KIF15: variants seen among roughly 807,000 people sequenced by gnomAD.
KIF15 encodes kinesin-like protein KIF15.
A neutral mutation model predicts 190.6 loss-of-function variants in KIF15; 140 were observed. That is an observed-to-expected ratio of 0.73 (90% CI 0.64 to 0.84). KIF15 has a LOEUF of 0.84. Ranked by LOEUF, KIF15 falls within the 40% of genes least tolerant of loss-of-function variation. The probability of loss-of-function intolerance (pLI) is 0.00; values close to 1 mark genes in which losing one functional copy is unlikely to be tolerated. For synonymous variants in KIF15, 528 were observed against 551.3 expected, an observed-to-expected ratio of 0.96 and a Z score of 0.59; for missense variants, 1,372 against 1,584.4, an observed-to-expected ratio of 0.87 and a Z score of 2.28.
At chr3:44,867,727 G>A (rs191759851) in intron 6 of KIF15, among the ~76,000 whole-genome samples, 172 of 152,344 alleles carry the variant, frequency 1.1e-3, no homozygotes, top group African/African-American at 3.8e-3. Context: ...AGGAAGATCA[G>A]TCATTCTTCA....
At chr3:44,799,326 A>C (rs1309433094) in intron 10 of KIF15, 2 of 456,606 alleles carry the variant, frequency 4.4e-6, no homozygotes, top group African/African-American at 4.0e-5. Flanking sequence ...GGAAAGTGCC[A>C]GAGTATCTGG....
At position 44,790,416 on chromosome 3, in the gene KIF15, C is replaced by T. The variant is rs150450700; in HGVS notation, c.640-3801C>T. ...CTGGTCTTTACACAGACAGTTGCCC[C>T]GGGTGGAAATCATTTTATTTTCTCA... On this transcript the variant is annotated intron_variant, in intron 7 of 34. Transcript: ENST00000326047. 4.8e-3 allele frequency among the ~76,000 whole-genome samples: 730 copies of T among 151,982 alleles called. 8 individuals are homozygous for T. The highest frequency in any genetic ancestry group is 0.017 in the African/African-American group (686 of 41,446).
chr3:44,841,133 A>G lies in KIF15; in HGVS notation c.3480A>G (p.Glu1160=), dbSNP rs2125714780. ...THLAKLLETQ[E]QEIEDGRASK... is the part of the protein sequence containing the mutation. ...TGGCAAAACTCCTGGAAACACAAGA[A>G]CAAGAGATAGAAGATGGAAGAGCCT... The change falls in exon 29 of 35, where the codon GAA becomes GAG. Residue 1160 remains glutamate, a synonymous_variant. Transcript: ENST00000326047. 5 of 1,613,808 alleles carry G rather than the reference A, an allele frequency of 3.1e-6. No individual in the cohort carries two copies. In the East Asian group the frequency reaches 8.9e-5, roughly 29 times the overall value.
chr3:44,769,969 C>T (rs1705572962), intron 1 of KIF15, among the ~76,000 whole-genome samples: 1 of 152,152 alleles, frequency 6.6e-6, no homozygotes, highest in African/African-American at 2.4e-5. Flanking sequence ...ATTCCCACCA[C>T]CTAGCAGGAT....
At position 44,843,196 on chromosome 3, in the gene KIF15, A is replaced by G. The variant is rs781282318; in HGVS notation, c.3657A>G (p.Gln1219=). 1.2e-5 allele frequency: 20 copies of G among 1,613,698 alleles called. No homozygotes were observed. Among genetic ancestry groups the G allele is most frequent in the Non-Finnish European group, 1.6e-5 (19 of 1,179,736 alleles). ...TAATAGAGAAAAACTGGCTCCTGCAAGGTCAGCTGGATGATATTAAAAGAC... is the reference window on the plus strand; with the variant it reads ...TAATAGAGAAAAACTGGCTCCTGCAGGGTCAGCTGGATGATATTAAAAGAC... The part of the protein sequence containing the change: ...QQLIEKNWLL[Q]GQLDDIKRQK... The change falls in exon 30 of 35, where the codon CAA becomes CAG. Residue 1219 remains glutamine (Q), a synonymous_variant. Transcript: ENST00000326047.
intron 6 of KIF15, among the ~76,000 whole-genome samples, chr3:44,785,761 A>G (rs1412786143): frequency 1.3e-5 from 2 of 152,244 alleles, no homozygotes; most frequent in South Asian, 2.1e-4. Context: ...CTTGCTTCAA[A>G]TAAAACTTTA....
At chr3:44,853,560 C>A (rs1402174166), downstream of KIF15, among the ~76,000 whole-genome samples, 1 of 152,216 alleles carries the variant, frequency 6.6e-6, no homozygotes. Context: ...CTCTTGAGCA[C>A]ATGCCTAGGA....
intron 7 of KIF15, among the ~76,000 whole-genome samples, chr3:44,789,334 T>G (rs1176497469): frequency 6.6e-6 from 1 of 152,046 alleles, no homozygotes. Context: ...AGAAATGTGA[T>G]TTTAAATTCC....
intron 6 of KIF15, chr3:44,861,913 T>A: frequency 6.8e-7 from 1 of 1,477,028 alleles, no homozygotes; most frequent in South Asian, 1.3e-5. Flanking sequence ...AGGCACGGTG[T>A]CAGCAGGCAA....
rs376633454 is a variant in KIF15 at position 44,813,204 on chromosome 3, T to G, written c.2383+24T>G. The stretch of plus-strand genomic sequence containing the variant: ...CTGTAAGTTATTCTATCAGGAGCTT[T>G]GTGACTTGAAGGAATACTGTAACTC... On this transcript the variant is annotated intron_variant, in intron 19 of 34. Coordinates refer to ENST00000326047, the MANE Select transcript of KIF15 (RefSeq NM_020242.3). The G allele has an allele frequency of 5.1e-5, 69 of 1,358,954 alleles. No individual in the cohort carries two copies. In the African/African-American group the frequency reaches 9.2e-4, roughly 18 times the overall value. The allele number at this position is 1,358,954 out of a possible 1,614,324, so 84.2% of individuals were successfully genotyped here. A position where few individuals can be genotyped will look rare whatever the true frequency, so the allele number is the denominator to read the frequency against.
chr3:44,800,669 AAG>A (rs1338092790), intron 11 of KIF15, among the ~76,000 whole-genome samples: 4 of 152,378 alleles, frequency 2.6e-5, no homozygotes, highest in Middle Eastern at 3.4e-3. Flanking sequence ...AAGTGCTAAA[AAG>A]AGATTAATTT....
intron 3 of KIF15, 23 bp downstream of exon 3, chr3:44,775,460 C>CTT (rs10574346): frequency 6.6e-4 from 881 of 1,339,008 alleles, no homozygotes; most frequent in Non-Finnish European, 7.5e-4. Context: ...AGAAACTTAA[C>CTT]TTTTTTTTTT....
chr3:44,863,820 T>TA, intron 6 of KIF15: 1 of 211,166 alleles, frequency 4.7e-6, no homozygotes, highest in Non-Finnish European at 9.4e-6. Flanking sequence ...ACCCTAGGCT[T>TA]ACTACCTACG....
In KIF15 at chr3:44,813,112, A is replaced by C. The variant is rs1158205627; in HGVS notation, c.2315A>C (p.Gln772Pro). The change falls in exon 19 of 35, where the codon CAG (glutamine) becomes CCG (proline). Residue 772 changes from glutamine (Q) to proline (P), a missense_variant. Physicochemically the swap from Gln to Pro is moderately conservative, Grantham distance 76. Transcript: ENST00000326047. ...SSERIDWTKQQEELLSQLNVL... is the reference protein window; with the variant it reads ...SSERIDWTKQPEELLSQLNVL... ...GAAAGAATTGATTGGACCAAACAGC[A>C]GGAAGAGCTTCTCTCACAGTTGAAT... is the stretch of plus-strand genomic sequence containing the variant. 6.3e-7 allele frequency: 1 copy of C among 1,595,670 alleles called. No individual in the cohort carries two copies. The highest frequency in any genetic ancestry group is 2.3e-5 in the East Asian group (1 of 44,174).
intron 14 of KIF15, among the ~76,000 whole-genome samples, chr3:44,803,233 T>A (rs1707359282): frequency 6.6e-6 from 1 of 152,268 alleles, no homozygotes; most frequent in Admixed American, 6.5e-5. Context: ...GTATTTGTTT[T>A]ATTGATAAAA....
intron 30 of KIF15, among the ~76,000 whole-genome samples, chr3:44,846,392 T>G (rs571581631): frequency 6.6e-6 from 1 of 152,334 alleles, no homozygotes; most frequent in Admixed American, 6.5e-5. Context: ...AACAAAGAGT[T>G]TTAATGTGTT....
intron 6 of KIF15, among the ~76,000 whole-genome samples, chr3:44,785,901 C>G (rs1046158871): frequency 5.9e-5 from 9 of 152,138 alleles, no homozygotes; most frequent in Non-Finnish European, 1.2e-4. Context: ...CAGTTTGATG[C>G]AGCTCTAAAA....
At chr3:44,826,264 T>A in intron 21 of KIF15, 75 bp downstream of exon 21, 5 of 1,556,280 alleles carry the variant, frequency 3.2e-6, no homozygotes, top group Non-Finnish European at 3.5e-6. Flanking sequence ...TGTCCTTTCC[T>A]CCTTCTTTGC....
chr3:44,785,049 A>G, intron 6 of KIF15, 107 bp downstream of exon 6: 1 of 608,094 alleles, frequency 1.6e-6, no homozygotes, highest in Non-Finnish European at 2.9e-6. Context: ...GGTACTCTAC[A>G]ATATGAATAG....
Sources: allele counts gnomAD v4.1 joint callset (sites outside exome capture counted in the v4.1 genomes callset), GRCh38; gene constraint gnomAD v4.1.1; transcripts MANE v1.5; gene names NCBI Gene and HGNC (gene_info 2026-07-23, HGNC 2026-07-21).